The following ZNF37A variants were observed in gnomAD, a reference collection of about 807,000 sequenced individuals.
The protein encoded by ZNF37A is zinc finger protein 37a (KOX 21).
ZNF37A carries 10 observed loss-of-function variants against 12.3 expected under a neutral mutation model. The observed-to-expected ratio is 0.82, with a 90% confidence interval of 0.50 to 1.38. ZNF37A has a LOEUF of 1.38. Among genes scored for constraint, ZNF37A ranks in the 40% most tolerant of loss-of-function variants. The probability of loss-of-function intolerance (pLI) is 0.00; values close to 1 mark genes in which losing one functional copy is unlikely to be tolerated. For synonymous variants in ZNF37A, 207 were observed against 223.0 expected (o/e 0.93, Z 0.64); for missense variants, 580 against 651.2 (o/e 0.89, Z 1.19).
In ZNF37A at chr10:38,118,300, T is replaced by C. The variant is rs1265722317; in HGVS notation, c.1149T>C (p.Tyr383=). ...AAACACACACAGGGGAGAAGCCCTA[T>C]GAATGCTATGCATGTGGGAAAGCCT... The part of the protein sequence containing the change: ...HQKTHTGEKP[Y]ECYACGKAFL... The change falls in exon 8 of 8, where the codon TAT becomes TAC. Residue 383 remains tyrosine, a synonymous_variant. Transcript: ENST00000685332. 1.2e-6 allele frequency: 2 copies of C among 1,613,998 alleles called. No homozygotes were observed. The highest frequency in any genetic ancestry group is 1.7e-6 in the Non-Finnish European group (2 of 1,179,994).
chr10:38,116,925 A>G (rs1158879073), intron 7 of ZNF37A, among the ~76,000 whole-genome samples: 1 of 152,188 alleles, frequency 6.6e-6, no homozygotes, highest in Non-Finnish European at 1.5e-5. Context: ...CCTGGCTAAC[A>G]TGGCAAAATC....
Position 38,117,686 on chromosome 10 carries a change from C to A in ZNF37A, c.535C>A (p.His179Asn). ...TGQKTCKYTE[H>N]GKTCDMSFFI... ...ACAGAAAACCTGCAAATATACTGAA[C>A]ATGGGAAAACCTGTGATATGTCATT... The change falls in exon 8 of 8, where the codon CAT becomes AAT. Residue 179 changes from histidine to asparagine, a missense_variant. Transcript: ENST00000685332. 2 of 1,613,896 alleles carry A rather than the reference C, an allele frequency of 1.2e-6. No homozygotes were observed. The highest frequency in any genetic ancestry group is 1.7e-6 in the Non-Finnish European group (2 of 1,179,954).
intron 7 of ZNF37A, among the ~76,000 whole-genome samples, chr10:38,136,919 T>G (rs1227310760): frequency 2.0e-5 from 3 of 152,194 alleles, no homozygotes; most frequent in African/African-American, 7.2e-5. Flanking sequence ...TTGGCTTGCT[T>G]AAATCTGCTC....
intron 5 of ZNF37A, among the ~76,000 whole-genome samples, chr10:38,113,928 G>T (rs2135999868): frequency 6.6e-6 from 1 of 152,244 alleles, no homozygotes; most frequent in Non-Finnish European, 1.5e-5. Flanking sequence ...GTCATATACT[G>T]CCAGTCCTTT....
intron 6 of ZNF37A, 121 bp from the exon 7 acceptor site, chr10:38,115,066 AGTGTGTGT>A (rs56124182): frequency 0.024 from 14,564 of 619,588 alleles, 48 homozygotes; most frequent in East Asian, 0.055. Context: ...GATTAAATGA[AGTGTGTGT>A]GTGTGTGTGT....
chr10:38,096,123 C>T lies in ZNF37A; in HGVS notation c.-45+319C>T, dbSNP rs546793472. On this transcript the variant is annotated intron_variant, in intron 4 of 7. Coordinates refer to ENST00000685332, the MANE Select transcript of ZNF37A (RefSeq NM_001324250.3). Reference sequence around the variant, plus strand: ...TTGCGGTGAGTCGAGATCATGCCATCGCACTCCAGCCTGGGCAACAAACAG... The same window carrying T: ...TTGCGGTGAGTCGAGATCATGCCATTGCACTCCAGCCTGGGCAACAAACAG... Among the ~76,000 whole-genome samples the T allele has an allele frequency of 2.2e-4, 34 of 152,142 alleles. 1 individual carries two copies. In the South Asian group the frequency reaches 4.4e-3, roughly 19 times the overall value.
chr10:38,109,540 G>T (rs1410002703), intron 5 of ZNF37A, among the ~76,000 whole-genome samples: 3 of 152,124 alleles, frequency 2.0e-5, no homozygotes, highest in Admixed American at 6.5e-5. Flanking sequence ...AGGAAAAGAG[G>T]AAGTCAAATT....
chr10:38,106,967 A>G (rs1185301968), intron 5 of ZNF37A, among the ~76,000 whole-genome samples: 1 of 152,202 alleles, frequency 6.6e-6, no homozygotes, highest in Non-Finnish European at 1.5e-5. Context: ...CCAGCCTAGC[A>G]AGAGAGGCCA....
chr10:38,117,962 TATGA>T lies in ZNF37A; in HGVS notation c.815_818del (p.Glu272ValfsTer158). 1 of 1,613,962 alleles carries T rather than the reference TATGA, an allele frequency of 6.2e-7. No homozygotes were observed. Among genetic ancestry groups the T allele is most frequent in the South Asian group, 1.1e-5 (1 of 91,084 alleles). On this transcript the variant is annotated frameshift_variant, in exon 8 of 8. Transcript: ENST00000685332. LOFTEE classifies it low-confidence loss of function (END_TRUNC). ...GAGAACACATACAGGAGAAAAACCT[TATGA>T]ATGTCATGAATGTGGAAAAACCTTC...
Position 38,100,432 on chromosome 10 carries a change from A to T in ZNF37A, c.15+3800A>T, listed in dbSNP as rs142094323. On this transcript the variant is annotated intron_variant, in intron 5 of 7. Coordinates refer to ENST00000685332, the MANE Select transcript of ZNF37A (RefSeq NM_001324250.3). The stretch of plus-strand genomic sequence containing the variant: ...TTCACCCCTACAGCCTACAGACCAT[A>T]GGAGACGGCCACACCCAGGGGGGCT... Among the ~76,000 whole-genome samples the T allele has an allele frequency of 4.6e-5, 7 of 152,294 alleles. No individual in the cohort carries two copies. In the East Asian group the frequency reaches 1.4e-3, roughly 29 times the overall value.
intron 5 of ZNF37A, among the ~76,000 whole-genome samples, chr10:38,112,147 T>TAA (rs35812511): frequency 1.2e-4 from 17 of 146,526 alleles, no homozygotes; most frequent in African/African-American, 2.5e-4. Context: ...AAAAAAAAAC[T>TAA]AAAAAAAAAC....
chr10:38,129,323 C>CTAT (rs57482991), downstream of ZNF37A, among the ~76,000 whole-genome samples: 5 of 62,168 alleles, frequency 8.0e-5, no homozygotes, highest in Admixed American at 3.3e-4. Context: ...AAAAAAAAAA[C>CTAT]TATTATTTTT....
chr10:38,118,881 T>C lies in ZNF37A; in HGVS notation c.*44T>C. On this transcript the variant is annotated 3_prime_UTR_variant, in exon 8 of 8. Coordinates refer to ENST00000685332, the MANE Select transcript of ZNF37A (RefSeq NM_001324250.3). ...CACAGAACATAAAGGGTGAGAGAAA[T>C]CTGTTAATATAATGATAATGAGAAC... The C allele has an allele frequency of 1.3e-6, 2 of 1,518,968 alleles. No individual in the cohort carries two copies. Among genetic ancestry groups the C allele is most frequent in the Non-Finnish European group, 1.8e-6 (2 of 1,138,464 alleles). 94.1% of individuals were successfully genotyped at this position (1,518,968 alleles called of 1,614,324 possible).
chr10:38,142,489 A>C (rs1283646064), intron 7 of ZNF37A: 2 of 152,178 alleles, frequency 1.3e-5, no homozygotes. Flanking sequence ...ATTGTTCTCT[A>C]CATGGGGGTG....
rs2069363511 is a variant in ZNF37A at position 38,117,482 on chromosome 10, A to G, written c.331A>G (p.Ile111Val). 1.9e-6 allele frequency: 3 copies of G among 1,612,228 alleles called. No individual in the cohort carries two copies. Among genetic ancestry groups the G allele is most frequent in the Non-Finnish European group, 2.5e-6 (3 of 1,179,578 alleles). Residue 111 changes from isoleucine (I) to valine (V), a missense_variant, in exon 8 of 8, where the codon ATT (isoleucine) becomes GTT (valine). Transcript: ENST00000685332. ...KCFCDEKHEI[I>V]HSEEEPSEYN... ...TTTCTGTGATGAAAAGCATGAAATAATTCATTCTGAAGAGGAACCTTCTGA... is the reference window on the plus strand; with the variant it reads ...TTTCTGTGATGAAAAGCATGAAATAGTTCATTCTGAAGAGGAACCTTCTGA...
intron 7 of ZNF37A, among the ~76,000 whole-genome samples, chr10:38,132,336 T>TTC (rs2070039003): frequency 6.6e-6 from 1 of 152,126 alleles, no homozygotes; most frequent in Non-Finnish European, 1.5e-5. Flanking sequence ...CAAATGCCTT[T>TTC]TCTGTATCAA....
rs569446123 is a variant in ZNF37A, at chr10:38,121,943, A to C, written c.*3106A>C. ...TGAATCATCTCATGTACCTGACAGT[A>C]AGAAAATACTCTGGCTGGTCTCAGT... is the stretch of plus-strand genomic sequence containing the variant. On this transcript the variant is annotated 3_prime_UTR_variant, in exon 8 of 8. Transcript: ENST00000685332. The C allele has an allele frequency of 3.2e-4, 48 of 152,294 alleles. No homozygotes were observed. The highest frequency in any genetic ancestry group is 1.2e-3 in the African/African-American group (48 of 41,556). The allele number at this position is 152,294 out of a possible 1,614,324, so 9.4% of individuals were successfully genotyped here.
chr10:38,110,925 G>A (rs1217086985), intron 5 of ZNF37A, among the ~76,000 whole-genome samples: 3 of 152,278 alleles, frequency 2.0e-5, no homozygotes, highest in East Asian at 1.9e-4. Flanking sequence ...ACAGTGTGGC[G>A]ATTCCTGAAG....
chr10:38,106,880 T>C (rs1445979430), intron 5 of ZNF37A, among the ~76,000 whole-genome samples: 2 of 152,156 alleles, frequency 1.3e-5, no homozygotes, highest in South Asian at 2.1e-4. Flanking sequence ...CTGTGTTTGA[T>C]TGGTGTACCT....
Sources: gnomAD v4.1 joint callset for allele counts (sites outside exome capture counted in the v4.1 genomes callset) on GRCh38, gnomAD v4.1.1 for gene constraint, MANE v1.5 for transcripts, NCBI Gene and HGNC (gene_info 2026-07-23, HGNC 2026-07-21) for gene names.